Variants in PPM1E observed in about 807,000 individuals in gnomAD.
The protein encoded by PPM1E is protein phosphatase, Mg2+/Mn2+ dependent 1E.
Under a neutral mutation model 65.9 loss-of-function variants are expected in PPM1E, and 20 were observed. The ratio of observed to expected loss-of-function variants is 0.30; its 90% CI spans 0.21 to 0.44. The LOEUF (loss-of-function observed/expected upper bound fraction) is 0.44, where lower values mean the gene tolerates loss of function less well. Among genes scored for constraint, PPM1E ranks in the 20% least tolerant of loss-of-function variants. PPM1E has a pLI of 1.00. For missense variants in PPM1E, 713 were observed against 953.1 expected, an observed-to-expected ratio of 0.75 and a Z score of 3.32; for synonymous variants, 352 against 374.9, an observed-to-expected ratio of 0.94 and a Z score of 0.70.
At chr17:58,920,395 C>T (rs1381975070) in intron 1 of PPM1E, among the ~76,000 whole-genome samples, 2 of 152,140 alleles carry the variant, frequency 1.3e-5, no homozygotes, top group African/African-American at 2.4e-5. Context: ...TAGGCTATGT[C>T]GTTACTAATA....
chr17:58,756,340 C>T lies in PPM1E; in HGVS notation c.343C>T (p.Pro115Ser), dbSNP rs1297349863. The part of the protein sequence containing the change: ...AAAAPGHSAV[P>S]PPPPQLPPLP... Reference sequence around the variant, plus strand: ...GGCAGCCCCGGGGCACTCGGCCGTGCCGCCGCCGCCGCCCCAGCTGCCGCC... The same window carrying T: ...GGCAGCCCCGGGGCACTCGGCCGTGTCGCCGCCGCCGCCCCAGCTGCCGCC... Residue 115 changes from proline (P) to serine (S), a missense_variant, in exon 1 of 7, where the codon CCG (proline) becomes TCG (serine). This residue lies in a region of PPM1E where 212 missense variants were observed against 204.0 expected (regional missense o/e 1.04). Coordinates refer to ENST00000308249, the MANE Select transcript of PPM1E (RefSeq NM_014906.5). The T allele has an allele frequency of 1.5e-6, 2 of 1,373,100 alleles. No individual in the cohort carries two copies. Among genetic ancestry groups the T allele is most frequent in the Non-Finnish European group, 1.9e-6 (2 of 1,066,490 alleles). 85.1% of individuals were successfully genotyped at this position (1,373,100 alleles called of 1,614,324 possible).
At chr17:58,931,942 A>G (rs1347596464) in intron 1 of PPM1E, among the ~76,000 whole-genome samples, 3 of 152,160 alleles carry the variant, frequency 2.0e-5, no homozygotes. Flanking sequence ...GAGAATTTAC[A>G]TGTTATAAAC....
At chr17:58,963,894 A>G (rs2030127143) in intron 2 of PPM1E, among the ~76,000 whole-genome samples, 1 of 152,194 alleles carries the variant, frequency 6.6e-6, no homozygotes, top group African/African-American at 2.4e-5. Flanking sequence ...CTCAGAAAAA[A>G]TAAAAAATAA....
At chr17:58,800,923 A>G (rs1410384104) in intron 1 of PPM1E, among the ~76,000 whole-genome samples, 1 of 152,024 alleles carries the variant, frequency 6.6e-6, no homozygotes, top group Non-Finnish European at 1.5e-5. Flanking sequence ...CCTGATTTCT[A>G]CTTCATTGAT....
chr17:58,913,711 C>T (rs1448484612), intron 1 of PPM1E, among the ~76,000 whole-genome samples: 4 of 152,174 alleles, frequency 2.6e-5, no homozygotes, highest in Non-Finnish European at 5.9e-5. Context: ...TTACTGTCTT[C>T]ACTTCCTGGG....
At chr17:58,926,810 G>A (rs2051828921) in intron 1 of PPM1E, among the ~76,000 whole-genome samples, 1 of 152,036 alleles carries the variant, frequency 6.6e-6, no homozygotes, top group Admixed American at 6.6e-5. Flanking sequence ...TACAACTTCA[G>A]ATTTAAGATG....
intron 1 of PPM1E, among the ~76,000 whole-genome samples, chr17:58,935,839 A>T (rs546733801): frequency 2.0e-5 from 3 of 151,826 alleles, no homozygotes; most frequent in Admixed American, 2.0e-4. Context: ...TTATTATTAT[A>T]CTTTAAGTTT....
At chr17:58,945,374 C>T (rs1373776141) in intron 1 of PPM1E, among the ~76,000 whole-genome samples, 1 of 152,214 alleles carries the variant, frequency 6.6e-6, no homozygotes, top group Non-Finnish European at 1.5e-5. Context: ...AACTCCTGAC[C>T]TCAGGTGATC....
In PPM1E at chr17:58,876,690, G is replaced by A. The variant is rs151097146; in HGVS notation, c.465-78959G>A. On this transcript the variant is annotated intron_variant, in intron 1 of 6. Transcript: ENST00000308249. Reference sequence around the variant, plus strand: ...CGATAATTAAAACATTATAATATTGGGAAAGTAGCTAAAGAAGACCTTGGA... The same window carrying A: ...CGATAATTAAAACATTATAATATTGAGAAAGTAGCTAAAGAAGACCTTGGA... Among the ~76,000 whole-genome samples the A allele has an allele frequency of 6.0e-4, 91 of 152,268 alleles. 1 individual carries two copies. The highest frequency in any genetic ancestry group is 2.1e-3 in the African/African-American group (87 of 41,566).
At chr17:58,969,776 C>A in intron 4 of PPM1E, 49 bp downstream of exon 4, 1 of 1,570,794 alleles carries the variant, frequency 6.4e-7, no homozygotes, top group South Asian at 1.1e-5. Context: ...TAGCTGAGCT[C>A]AATTTGGTCT....
chr17:58,852,672 C>T (rs1203120953), intron 1 of PPM1E, among the ~76,000 whole-genome samples: 1 of 149,356 alleles, frequency 6.7e-6, no homozygotes, highest in Non-Finnish European at 1.5e-5. Context: ...GGCGTGATCT[C>T]GGCTCACTGC....
intron 1 of PPM1E, among the ~76,000 whole-genome samples, chr17:58,799,678 A>G (rs2050240865): frequency 6.6e-6 from 1 of 152,218 alleles, no homozygotes; most frequent in Admixed American, 6.5e-5. Flanking sequence ...TCCTCACCTC[A>G]GGTGATCTAC....
chr17:58,787,322 GA>G (rs1241141231), intron 1 of PPM1E, among the ~76,000 whole-genome samples: 3 of 152,012 alleles, frequency 2.0e-5, no homozygotes, highest in Non-Finnish European at 4.4e-5. Context: ...ATTTTGTACA[GA>G]AATTCTCTGA....
At chr17:58,809,025 C>T (rs1389380269) in intron 1 of PPM1E, among the ~76,000 whole-genome samples, 1 of 152,068 alleles carries the variant, frequency 6.6e-6, no homozygotes, top group Admixed American at 6.6e-5. Flanking sequence ...GTATGTGTCT[C>T]CAAGGTATGA....
Position 58,805,979 on chromosome 17 carries a change from AAAAAAC to A in PPM1E, c.464+49523_464+49528del, listed in dbSNP as rs1567838873. Among the ~76,000 whole-genome samples, 79 of 110,050 alleles carry A rather than the reference AAAAAAC, an allele frequency of 7.2e-4. 3 individuals are homozygous for A. The highest frequency in any genetic ancestry group is 2.9e-3 in the African/African-American group (68 of 23,104). The allele number at this position is 110,050 out of a possible 152,430, so 72.2% of individuals were successfully genotyped here. Reference sequence around the variant, plus strand: ...AAAAAAACAAAAAAAAAAAACAAAAAAAAAACAAAACAAAACAAAACAAAAAAAAAA... The same window carrying A: ...AAAAAAACAAAAAAAAAAAACAAAAAAAAACAAAACAAAACAAAAAAAAAA... On this transcript the variant is annotated intron_variant, in intron 1 of 6. Coordinates refer to ENST00000308249, the MANE Select transcript of PPM1E (RefSeq NM_014906.5).
intron 1 of PPM1E, among the ~76,000 whole-genome samples, chr17:58,851,107 C>T (rs1398276010): frequency 1.3e-5 from 2 of 152,172 alleles, no homozygotes; most frequent in Non-Finnish European, 2.9e-5. Flanking sequence ...AGTTCTCGTG[C>T]CATGGTTTTC....
At chr17:58,962,010 C>T (rs987560084) in intron 2 of PPM1E, among the ~76,000 whole-genome samples, 12 of 152,144 alleles carry the variant, frequency 7.9e-5, no homozygotes, top group Admixed American at 6.6e-4. Context: ...CATGGCCGGG[C>T]GTGGTGGCTC....
In PPM1E at chr17:58,914,952, AAGAG is replaced by A. The variant is rs139030103; in HGVS notation, c.465-40690_465-40687del. Among the ~76,000 whole-genome samples, 613 of 152,180 alleles carry A rather than the reference AAGAG, an allele frequency of 4.0e-3. 11 individuals are homozygous for A. The highest frequency in any genetic ancestry group is 0.025 in the Admixed American group (389 of 15,272). On this transcript the variant is annotated intron_variant, in intron 1 of 6. Coordinates refer to ENST00000308249, the MANE Select transcript of PPM1E (RefSeq NM_014906.5). Reference sequence around the variant, plus strand: ...GTAGTGTCCATATGGGGGAGAGGAAAAGAGAGAGAGGAAGAGAGAAGGAAGGGGC... The same window carrying A: ...GTAGTGTCCATATGGGGGAGAGGAAAAGAGAGGAAGAGAGAAGGAAGGGGC...
At position 58,812,833 on chromosome 17, in the gene PPM1E, C is replaced by T. The variant is rs533622880; in HGVS notation, c.464+56372C>T. ...CCACCCGCCTCAGCCTCCCAAAGTGCTGGGATTACAGGCATGAGCCACCGT... is the reference window on the plus strand; with the variant it reads ...CCACCCGCCTCAGCCTCCCAAAGTGTTGGGATTACAGGCATGAGCCACCGT... On this transcript the variant is annotated intron_variant, in intron 1 of 6. Coordinates refer to ENST00000308249, the MANE Select transcript of PPM1E (RefSeq NM_014906.5). Among the ~76,000 whole-genome samples the T allele has an allele frequency of 7.2e-4, 110 of 152,280 alleles. 1 individual carries two copies. The highest frequency in any genetic ancestry group is 2.6e-3 in the African/African-American group (108 of 41,554).
Sources: allele counts gnomAD v4.1 joint callset (sites outside exome capture counted in the v4.1 genomes callset), GRCh38; gene constraint gnomAD v4.1.1; regional missense constraint gnomAD v4.1.1; transcripts MANE v1.5; gene names NCBI Gene and HGNC (gene_info 2026-07-23, HGNC 2026-07-21).